Variants in SAMD4A observed in about 807,000 individuals in gnomAD.
SAMD4A encodes the protein protein Smaug homolog 1.
Under a neutral mutation model 81.3 loss-of-function variants are expected in SAMD4A, and 33 were observed. The observed-to-expected ratio is 0.41, with a 90% CI of 0.31 to 0.54. SAMD4A has a LOEUF of 0.54. Among genes scored for constraint, SAMD4A ranks in the 20% least tolerant of loss-of-function variants. SAMD4A has a pLI of 0.37. For missense variants in SAMD4A, 854 were observed against 951.1 expected, an observed-to-expected ratio of 0.90 and a Z score of 1.34; for synonymous variants, 389 against 382.1, an observed-to-expected ratio of 1.02 and a Z score of -0.21.
At chr14:54,725,262 A>G (rs1220528540) in intron 3 of SAMD4A, among the ~76,000 whole-genome samples, 1 of 152,256 alleles carries the variant, frequency 6.6e-6, no homozygotes, top group African/African-American at 2.4e-5. Flanking sequence ...GCTCTCATGA[A>G]GAGTTCTGGG....
chr14:54,698,678 CA>C (rs894606866), intron 2 of SAMD4A, among the ~76,000 whole-genome samples: 27 of 152,312 alleles, frequency 1.8e-4, no homozygotes, highest in African/African-American at 6.5e-4. Flanking sequence ...AGTTAGCCCT[CA>C]GAGAGCAATC....
intron 2 of SAMD4A, among the ~76,000 whole-genome samples, chr14:54,692,760 G>T (rs2036474061): frequency 6.6e-6 from 1 of 151,734 alleles, no homozygotes; most frequent in Non-Finnish European, 1.5e-5. Flanking sequence ...AGTCGAGTGT[G>T]GTTTACAAGA....
At chr14:54,742,234 G>A (rs1411999663) in intron 4 of SAMD4A, among the ~76,000 whole-genome samples, 8 of 152,166 alleles carry the variant, frequency 5.3e-5, no homozygotes, top group African/African-American at 1.9e-4. Context: ...TGAATAGACA[G>A]TGATGGAGCA....
intron 3 of SAMD4A, among the ~76,000 whole-genome samples, chr14:54,724,853 G>A (rs777156044): frequency 1.6e-4 from 24 of 152,182 alleles, no homozygotes; most frequent in Non-Finnish European, 3.2e-4. Flanking sequence ...GGTATCATAA[G>A]GCAGACTTTA....
At chr14:54,588,235 T>C (rs2033677985) in intron 2 of SAMD4A, among the ~76,000 whole-genome samples, 3 of 152,114 alleles carry the variant, frequency 2.0e-5, no homozygotes, top group South Asian at 4.1e-4. Flanking sequence ...TATTATCTCC[T>C]GTTTCATTTC....
chr14:54,772,010 G>A (rs769765701), intron 9 of SAMD4A, among the ~76,000 whole-genome samples: 10 of 152,190 alleles, frequency 6.6e-5, no homozygotes, highest in Non-Finnish European at 1.2e-4. Flanking sequence ...AGAATGAATC[G>A]CTTGTGGATG....
At position 54,752,341 on chromosome 14, in the gene SAMD4A, A is replaced by G. The variant is rs144970796; in HGVS notation, c.1176+804A>G. 6.6e-5 allele frequency among the ~76,000 whole-genome samples: 10 copies of G among 152,292 alleles called. No homozygotes were observed. In the East Asian group the frequency reaches 1.9e-3, roughly 29 times the overall value. On this transcript the variant is annotated intron_variant, in intron 6 of 12. Coordinates refer to ENST00000554335, the MANE Select transcript of SAMD4A (RefSeq NM_015589.6). ...ATGCCTCACACAAGTGTGAACCAGC[A>G]TTGCTTCTGCCTCAGGGTTGGGATT...
intron 12 of SAMD4A, among the ~76,000 whole-genome samples, chr14:54,786,198 G>A (rs141208542): frequency 6.6e-6 from 1 of 152,346 alleles, no homozygotes; most frequent in East Asian, 1.9e-4. Flanking sequence ...CGATGCAGTG[G>A]ATGAATCTTA....
chr14:54,718,609 A>G (rs980314007), intron 3 of SAMD4A, among the ~76,000 whole-genome samples: 1 of 152,054 alleles, frequency 6.6e-6, no homozygotes, highest in Non-Finnish European at 1.5e-5. Context: ...TATTGGGTAA[A>G]TGGTTTACTT....
At chr14:54,714,039 GA>G (rs2037057367) in intron 3 of SAMD4A, among the ~76,000 whole-genome samples, 1 of 152,094 alleles carries the variant, frequency 6.6e-6, no homozygotes, top group Non-Finnish European at 1.5e-5. Flanking sequence ...TTAAAGAAGG[GA>G]ATCATAACAA....
chr14:54,731,942 A>C (rs1002614675), intron 3 of SAMD4A, among the ~76,000 whole-genome samples: 2 of 152,244 alleles, frequency 1.3e-5, no homozygotes, highest in African/African-American at 4.8e-5. Flanking sequence ...CTAAGCCTGG[A>C]AATAGTTCAA....
intron 2 of SAMD4A, among the ~76,000 whole-genome samples, chr14:54,677,378 C>G (rs1234979768): frequency 6.6e-6 from 1 of 152,176 alleles, no homozygotes; most frequent in Non-Finnish European, 1.5e-5. Flanking sequence ...AAACCAATCC[C>G]TATTACCCTA....
chr14:54,605,997 A>G (rs1039120126), intron 2 of SAMD4A, among the ~76,000 whole-genome samples: 1 of 152,194 alleles, frequency 6.6e-6, no homozygotes, highest in African/African-American at 2.4e-5. Flanking sequence ...GAATAAAACA[A>G]TAATCAACCT....
In SAMD4A at chr14:54,567,669, A is replaced by G. The variant is rs201002993; in HGVS notation, c.-248A>G. 5.6e-6 allele frequency: 2 copies of G among 355,426 alleles called. No homozygotes were observed. Among genetic ancestry groups the G allele is most frequent in the African/African-American group, 4.4e-5 (2 of 45,704 alleles). The allele number at this position is 355,426 out of a possible 1,614,324, so 22.0% of individuals were successfully genotyped here. On this transcript the variant is annotated 5_prime_UTR_variant, in exon 2 of 13. Transcript: ENST00000554335. ...TTTTTAAAAAGTCGTTTTTTTTTTT[A>G]AAGAAACATTTCCGTGCTACTGTCT...
At chr14:54,673,141 A>G (rs890455126) in intron 2 of SAMD4A, among the ~76,000 whole-genome samples, 2 of 152,222 alleles carry the variant, frequency 1.3e-5, no homozygotes, top group Admixed American at 6.5e-5. Flanking sequence ...CCAGAGCACT[A>G]TAATCCATGC....
chr14:54,658,413 T>C (rs983892620), intron 2 of SAMD4A, among the ~76,000 whole-genome samples: 1 of 152,006 alleles, frequency 6.6e-6, no homozygotes, highest in African/African-American at 2.4e-5. Flanking sequence ...GTGACCCCCT[T>C]GTAAGACAGG....
chr14:54,577,702 C>G (rs1005151051), intron 2 of SAMD4A, among the ~76,000 whole-genome samples: 2 of 152,184 alleles, frequency 1.3e-5, no homozygotes, highest in Non-Finnish European at 1.5e-5. Context: ...TCGCACTCTC[C>G]CTGGAGTCCA....
chr14:54,574,631 A>G (rs895568024), intron 2 of SAMD4A, among the ~76,000 whole-genome samples: 1 of 152,214 alleles, frequency 6.6e-6, no homozygotes, highest in African/African-American at 2.4e-5. Flanking sequence ...CGAAAATGGA[A>G]CATCTGGTCA....
chr14:54,788,522 C>G (rs1201080751), intron 12 of SAMD4A, among the ~76,000 whole-genome samples: 1 of 152,212 alleles, frequency 6.6e-6, no homozygotes, highest in Non-Finnish European at 1.5e-5. Flanking sequence ...CTTTGTATCT[C>G]TCTGAAACTG....
Sources: gnomAD v4.1 joint callset for allele counts (sites outside exome capture counted in the v4.1 genomes callset) on GRCh38, gnomAD v4.1.1 for gene constraint, MANE v1.5 for transcripts, NCBI Gene and HGNC (gene_info 2026-07-23, HGNC 2026-07-21) for gene names.